The following RAP1A variants were observed in gnomAD, a reference collection of about 807,000 sequenced individuals.
The protein encoded by RAP1A is RAP1A, member of RAS oncogene family, also known as ras-related protein Rap-1A.
RAP1A carries 6 observed loss-of-function variants against 26.4 expected under a neutral mutation model. The observed-to-expected ratio is 0.23, with a 90% CI of 0.12 to 0.45. The LOEUF (loss-of-function observed/expected upper bound fraction) is 0.45, where lower values mean the gene tolerates loss of function less well. Among genes scored for constraint, RAP1A ranks in the 20% least tolerant of loss-of-function variants. The pLI is 0.99. For synonymous variants in RAP1A, 73 were observed against 79.4 expected (o/e 0.92, Z 0.43); for missense variants, 121 against 217.2 (o/e 0.56, Z 2.78).
intron 1 of RAP1A, among the ~76,000 whole-genome samples, chr1:111,566,746 C>A (rs772446023): frequency 6.6e-6 from 1 of 152,120 alleles, no homozygotes; most frequent in Admixed American, 6.6e-5. Context: ...ACTTGGGGTT[C>A]TTCCTTCTCC....
intron 1 of RAP1A, among the ~76,000 whole-genome samples, chr1:111,673,442 C>G (rs1022761993): frequency 5.3e-5 from 8 of 152,078 alleles, no homozygotes; most frequent in Non-Finnish European, 8.8e-5. Context: ...TTAAAAATTG[C>G]AGAAACAACA....
intron 1 of RAP1A, among the ~76,000 whole-genome samples, chr1:111,679,862 C>T (rs942550847): frequency 7.2e-5 from 11 of 152,186 alleles, no homozygotes; most frequent in African/African-American, 2.7e-4. Flanking sequence ...CTGGGCAGGG[C>T]ATCTGAAAGA....
chr1:111,624,683 C>T (rs148870550), intron 1 of RAP1A, among the ~76,000 whole-genome samples: 1 of 152,188 alleles, frequency 6.6e-6, no homozygotes, highest in African/African-American at 2.4e-5. Flanking sequence ...TGCATATACA[C>T]ATGCACCAAT....
intron 1 of RAP1A, among the ~76,000 whole-genome samples, chr1:111,662,876 T>C (rs1660683394): frequency 6.6e-6 from 1 of 152,206 alleles, no homozygotes; most frequent in Non-Finnish European, 1.5e-5. Context: ...ATCCTGATTT[T>C]GGACCCAGAT....
In RAP1A at chr1:111,619,872, G is replaced by GGGAGGAGGAGGAGGA; in HGVS notation, c.-84_-70dup. The stretch of plus-strand genomic sequence containing the variant: ...GGAGCAGGAGCCACGGCCGAGAGGA[G>GGGAGGAGGAGGAGGA]GGAGGAGGAGGAGGAGGAGGTGGAG... On this transcript the variant is annotated 5_prime_UTR_variant, in exon 1 of 8. Coordinates refer to ENST00000369709, the MANE Select transcript of RAP1A (RefSeq NM_002884.4). The GGGAGGAGGAGGAGGA allele has an allele frequency of 2.5e-6, 1 of 396,468 alleles. No homozygotes were observed. The highest frequency in any genetic ancestry group is 4.4e-6 in the Non-Finnish European group (1 of 225,394). 24.6% of individuals were successfully genotyped at this position (396,468 alleles called of 1,614,324 possible).
intron 4 of RAP1A, among the ~76,000 whole-genome samples, chr1:111,700,146 A>G (rs992205288): frequency 6.6e-6 from 1 of 152,118 alleles, no homozygotes; most frequent in African/African-American, 2.4e-5. Context: ...ACTGCTTTGG[A>G]GATCTTGTAG....
At chr1:111,671,149 A>G (rs1660962910) in intron 1 of RAP1A, among the ~76,000 whole-genome samples, 1 of 152,170 alleles carries the variant, frequency 6.6e-6, no homozygotes. Flanking sequence ...GAAACCTTGT[A>G]TTTTTAAAAG....
chr1:111,710,951 C>T (rs1159224661), intron 7 of RAP1A, among the ~76,000 whole-genome samples: 2 of 152,228 alleles, frequency 1.3e-5, no homozygotes, highest in Non-Finnish European at 2.9e-5. Flanking sequence ...CCTGCCTCAA[C>T]CTCCTGAGTA....
At chr1:111,558,166 T>C (rs1269465149) in intron 1 of RAP1A, among the ~76,000 whole-genome samples, 2 of 152,014 alleles carry the variant, frequency 1.3e-5, no homozygotes, top group African/African-American at 4.8e-5. Context: ...GTTAAAAAAG[T>C]CAATATGGAA....
At chr1:111,688,931 C>G (rs1285572052) in intron 1 of RAP1A, among the ~76,000 whole-genome samples, 3 of 151,022 alleles carry the variant, frequency 2.0e-5, no homozygotes, top group Non-Finnish European at 1.5e-5. Flanking sequence ...GCCTTCCGAG[C>G]TCAAGGGGTT....
At chr1:111,554,917 A>G (rs1449295148) in intron 1 of RAP1A, among the ~76,000 whole-genome samples, 1 of 152,230 alleles carries the variant, frequency 6.6e-6, no homozygotes. Flanking sequence ...TTCCCTGAGT[A>G]AGGGACAGCA....
At chr1:111,638,579 C>T (rs1265133350) in intron 1 of RAP1A, among the ~76,000 whole-genome samples, 3 of 152,148 alleles carry the variant, frequency 2.0e-5, no homozygotes, top group Non-Finnish European at 4.4e-5. Flanking sequence ...CGCATGCCAA[C>T]ATGCCTGGCT....
chr1:111,573,702 T>C (rs1229573268), intron 1 of RAP1A, among the ~76,000 whole-genome samples: 1 of 152,230 alleles, frequency 6.6e-6, no homozygotes, highest in Non-Finnish European at 1.5e-5. Flanking sequence ...GATTTGCATT[T>C]CTCTAATGAT....
chr1:111,652,192 T>C (rs1424140511), intron 1 of RAP1A, among the ~76,000 whole-genome samples: 1 of 152,168 alleles, frequency 6.6e-6, no homozygotes, highest in African/African-American at 2.4e-5. Context: ...CAGTCTCGTC[T>C]CGAACTCCTG....
chr1:111,589,662 CAG>C (rs1298522307), intron 1 of RAP1A, among the ~76,000 whole-genome samples: 1 of 152,134 alleles, frequency 6.6e-6, no homozygotes, highest in East Asian at 1.9e-4. Flanking sequence ...TGATTCCTTT[CAG>C]AGAGATTTTG....
chr1:111,652,902 A>G (rs2101139534), intron 1 of RAP1A, among the ~76,000 whole-genome samples: 1 of 152,306 alleles, frequency 6.6e-6, no homozygotes, highest in South Asian at 2.1e-4. Flanking sequence ...TTATCTTACG[A>G]CCCAGCAGTT....
At chr1:111,577,206 C>T (rs987962389) in intron 1 of RAP1A, among the ~76,000 whole-genome samples, 1 of 151,806 alleles carries the variant, frequency 6.6e-6, no homozygotes, top group African/African-American at 2.4e-5. Flanking sequence ...AATTTGAGAC[C>T]AGCCTGGTCA....
intron 1 of RAP1A, among the ~76,000 whole-genome samples, chr1:111,588,923 C>T (rs1015895386): frequency 6.6e-6 from 1 of 152,088 alleles, no homozygotes; most frequent in Non-Finnish European, 1.5e-5. Flanking sequence ...GGTCTAAAAA[C>T]AAGGTCAAGT....
intron 1 of RAP1A, among the ~76,000 whole-genome samples, chr1:111,552,556 A>AT (rs912341326): frequency 3.3e-5 from 5 of 152,146 alleles, no homozygotes; most frequent in Admixed American, 6.6e-5. Flanking sequence ...ATAATTCACC[A>AT]TTTTTTTATC....
Sources: gnomAD v4.1 joint callset for allele counts (sites outside exome capture counted in the v4.1 genomes callset) on GRCh38, gnomAD v4.1.1 for gene constraint, MANE v1.5 for transcripts, NCBI Gene and HGNC (gene_info 2026-07-23, HGNC 2026-07-21) for gene names.